CNTN4: variants seen among roughly 807,000 people sequenced by gnomAD.
CNTN4 encodes contactin 4, also known as contactin-4.
Under a neutral mutation model 122.5 loss-of-function variants are expected in CNTN4, and 77 were observed. The ratio of observed to expected loss-of-function variants is 0.63; its 90% CI spans 0.52 to 0.76. The LOEUF (loss-of-function observed/expected upper bound fraction) is 0.76, where lower values mean the gene tolerates loss of function less well. CNTN4 is among the 30% of genes least tolerant of loss of function. The probability of loss-of-function intolerance (pLI) is 0.00; values close to 1 mark genes in which losing one functional copy is unlikely to be tolerated. For synonymous variants in CNTN4, 512 were observed against 447.0 expected (o/e 1.15, Z -1.83); for missense variants, 1,256 against 1,259.1 (o/e 1.00, Z 0.04).
At chr3:2,345,796 T>A (rs2044378006) in intron 3 of CNTN4, among the ~76,000 whole-genome samples, 1 of 152,214 alleles carries the variant, frequency 6.6e-6, no homozygotes, top group Admixed American at 6.5e-5. Context: ...TGTGACCCTC[T>A]GATAGGCTAC....
chr3:2,815,873 C>CATATATATATATAGATATAT (rs2092713726), intron 6 of CNTN4, among the ~76,000 whole-genome samples: 1 of 141,228 alleles, frequency 7.1e-6, no homozygotes, highest in African/African-American at 3.1e-5. Context: ...GAAACTATGG[C>CATATATATATATAGATATAT]ATATATATAT....
intron 4 of CNTN4, among the ~76,000 whole-genome samples, chr3:2,656,445 G>T (rs1445838935): frequency 6.6e-6 from 1 of 152,202 alleles, no homozygotes. Context: ...TGTAATCAAA[G>T]ATTTGTTTTT....
chr3:2,553,837 GT>G (rs2078614303), intron 3 of CNTN4, among the ~76,000 whole-genome samples: 1 of 152,062 alleles, frequency 6.6e-6, no homozygotes, highest in Non-Finnish European at 1.5e-5. Context: ...GATCAAACAG[GT>G]TGGTTCTAGC....
intron 2 of CNTN4, among the ~76,000 whole-genome samples, chr3:2,138,880 C>T (rs995025170): frequency 6.6e-6 from 1 of 152,086 alleles, no homozygotes; most frequent in Admixed American, 6.5e-5. Flanking sequence ...CCTATCTATC[C>T]ATCTAGTTAT....
intron 12 of CNTN4, among the ~76,000 whole-genome samples, chr3:2,922,333 C>T (rs1157711729): frequency 6.6e-6 from 1 of 152,150 alleles, no homozygotes; most frequent in Non-Finnish European, 1.5e-5. Context: ...TCCTTCAAAC[C>T]TCCCCTAGGT....
intron 7 of CNTN4, among the ~76,000 whole-genome samples, chr3:2,864,624 A>G (rs2093703856): frequency 6.6e-6 from 1 of 151,426 alleles, no homozygotes; most frequent in Admixed American, 6.6e-5. Context: ...CTGTAGTCCC[A>G]GCTACTTGGG....
At chr3:2,384,961 C>G (rs1386790905) in intron 3 of CNTN4, among the ~76,000 whole-genome samples, 2 of 152,024 alleles carry the variant, frequency 1.3e-5, no homozygotes, top group Non-Finnish European at 2.9e-5. Flanking sequence ...GGTTGACGTT[C>G]AAACTCATTT....
chr3:2,456,305 T>C (rs2048997280), intron 3 of CNTN4, among the ~76,000 whole-genome samples: 1 of 152,146 alleles, frequency 6.6e-6, no homozygotes, highest in Non-Finnish European at 1.5e-5. Context: ...AAGCAACACC[T>C]GCCTCTATTA....
At chr3:2,329,807 T>C (rs935382288) in intron 2 of CNTN4, among the ~76,000 whole-genome samples, 1 of 152,232 alleles carries the variant, frequency 6.6e-6, no homozygotes, top group Non-Finnish European at 1.5e-5. Context: ...CATTAATTTA[T>C]GTAGTCCTCC....
intron 13 of CNTN4, among the ~76,000 whole-genome samples, chr3:2,926,172 G>T (rs2094471594): frequency 6.6e-6 from 1 of 152,052 alleles, no homozygotes; most frequent in Non-Finnish European, 1.5e-5. Flanking sequence ...CAATTATTTG[G>T]CAGTGGCTAT....
At chr3:2,125,330 CTGTGTGTG>C (rs397721422) in intron 2 of CNTN4, among the ~76,000 whole-genome samples, 19 of 143,460 alleles carry the variant, frequency 1.3e-4, no homozygotes, top group East Asian at 4.2e-4. Context: ...ATTCTATTCT[CTGTGTGTG>C]TGTGTGTGTG....
intron 4 of CNTN4, among the ~76,000 whole-genome samples, chr3:2,721,754 C>A (rs1469023802): frequency 1.3e-5 from 2 of 151,992 alleles, no homozygotes; most frequent in Non-Finnish European, 2.9e-5. Flanking sequence ...GATCAGATAT[C>A]CTTTTCTCAG....
In CNTN4 at chr3:2,194,703, A is replaced by G. The variant is rs189332224; in HGVS notation, c.-145+94064A>G. Among the ~76,000 whole-genome samples the G allele has an allele frequency of 2.9e-3, 435 of 152,322 alleles. 10 individuals are homozygous for G. The highest frequency in any genetic ancestry group is 1.0e-3 in the Non-Finnish European group (68 of 68,032). ...CATCATTATAAGGAGAGGGCCACGC[A>G]AAGATTGACAGGCAGGCAAAATGCC... On this transcript the variant is annotated intron_variant, in intron 2 of 24. Coordinates refer to ENST00000418658, the MANE Select transcript of CNTN4 (RefSeq NM_175607.3).
At chr3:2,453,715 C>T (rs1322346789) in intron 3 of CNTN4, among the ~76,000 whole-genome samples, 1 of 152,090 alleles carries the variant, frequency 6.6e-6, no homozygotes, top group Non-Finnish European at 1.5e-5. Context: ...TTAGGAACTG[C>T]ATCATTGAGA....
intron 4 of CNTN4, among the ~76,000 whole-genome samples, chr3:2,708,727 TCACACACA>T (rs10530575): frequency 0.03 from 4,560 of 150,990 alleles, 81 homozygotes; most frequent in Non-Finnish European, 0.039. Flanking sequence ...CACGCGCGCA[TCACACACA>T]CACACACACA....
At chr3:2,204,763 G>C (rs975143956) in intron 2 of CNTN4, among the ~76,000 whole-genome samples, 1 of 152,046 alleles carries the variant, frequency 6.6e-6, no homozygotes, top group Admixed American at 6.6e-5. Context: ...ATGGGATAAA[G>C]TCAGCTTTGT....
chr3:2,460,721 G>A (rs1045477096), intron 3 of CNTN4, among the ~76,000 whole-genome samples: 3 of 152,140 alleles, frequency 2.0e-5, no homozygotes, highest in Admixed American at 6.5e-5. Flanking sequence ...AGGTCTCAAC[G>A]CAAATCTTTT....
intron 6 of CNTN4, among the ~76,000 whole-genome samples, chr3:2,781,631 A>G (rs1285805250): frequency 6.6e-6 from 1 of 151,928 alleles, no homozygotes; most frequent in East Asian, 1.9e-4. Context: ...TGAGACATCA[A>G]TCAAATACAT....
chr3:2,145,088 A>C (rs2035182896), intron 2 of CNTN4, among the ~76,000 whole-genome samples: 1 of 152,166 alleles, frequency 6.6e-6, no homozygotes, highest in Non-Finnish European at 1.5e-5. Flanking sequence ...CTTATTCATA[A>C]TTTTCTCTTA....
Sources: allele counts gnomAD v4.1 joint callset (sites outside exome capture counted in the v4.1 genomes callset), GRCh38; gene constraint gnomAD v4.1.1; transcripts MANE v1.5; gene names NCBI Gene and HGNC (gene_info 2026-07-23, HGNC 2026-07-21).